HIBCH: variants seen among roughly 807,000 people sequenced by gnomAD.
HIBCH encodes the protein 3-hydroxyisobutyryl-CoA hydrolase, mitochondrial.
A neutral mutation model predicts 58.2 loss-of-function variants in HIBCH; 50 were observed. The observed-to-expected ratio is 0.86, with a 90% CI of 0.68 to 1.09. HIBCH has a LOEUF of 1.09. Among genes scored for constraint, HIBCH ranks in the 50% least tolerant of loss-of-function variants. The pLI is 0.00. For missense variants in HIBCH, 450 were observed against 449.7 expected, an observed-to-expected ratio of 1.00 and a Z score of -0.01; for synonymous variants, 151 against 146.9, an observed-to-expected ratio of 1.03 and a Z score of -0.20.
intron 11 of HIBCH, among the ~76,000 whole-genome samples, chr2:190,244,553 C>T (rs928208209): frequency 6.6e-6 from 1 of 152,284 alleles, no homozygotes; most frequent in East Asian, 1.9e-4. Flanking sequence ...TCCAGTGACC[C>T]AGCCCTTCTA....
chr2:190,307,913 A>G (rs2124853711), intron 2 of HIBCH, among the ~76,000 whole-genome samples: 1 of 152,274 alleles, frequency 6.6e-6, no homozygotes, highest in South Asian at 2.1e-4. Flanking sequence ...TGAATGTCAC[A>G]CTATAAACAC....
At chr2:190,225,967 T>C (rs547933518) in intron 11 of HIBCH, among the ~76,000 whole-genome samples, 53 of 152,280 alleles carry the variant, frequency 3.5e-4, no homozygotes, top group Non-Finnish European at 5.4e-4. Context: ...TGGTTCAACA[T>C]ACACAAATCA....
rs76390316 is a variant in HIBCH, at chr2:190,285,083, T to C, written c.438+2503A>G. ...GTTTCTCAAGTTTGTTCTCCACAGA[T>C]ACTTCACTATCTGTAATATTAAATT... is the stretch of plus-strand genomic sequence containing the variant. On this transcript the variant is annotated intron_variant, in intron 6 of 13. Transcript: ENST00000359678. Among the ~76,000 whole-genome samples the C allele has an allele frequency of 1.9e-4, 29 of 152,340 alleles. No homozygotes were observed. The East Asian group carries it at 5.2e-3, about 27-fold the overall frequency.
intron 1 of HIBCH, among the ~76,000 whole-genome samples, chr2:190,314,347 GTGTATATATACGTA>G (rs1553508478): frequency 1.0e-3 from 28 of 27,646 alleles, no homozygotes; most frequent in Admixed American, 1.6e-3. Flanking sequence ...ACATATATAT[GTGTATATATACGTA>G]TATATATACG....
intron 10 of HIBCH, among the ~76,000 whole-genome samples, chr2:190,245,704 A>C (rs1422519623): frequency 6.6e-6 from 1 of 152,196 alleles, no homozygotes; most frequent in African/African-American, 2.4e-5. Flanking sequence ...GTGAAAAAAA[A>C]ACCCTATGCT....
intron 9 of HIBCH, among the ~76,000 whole-genome samples, chr2:190,247,462 T>C (rs572325340): frequency 6.6e-6 from 1 of 152,224 alleles, no homozygotes; most frequent in Non-Finnish European, 1.5e-5. Context: ...CACCAAGTAC[T>C]TGGTGGCCCT....
intron 6 of HIBCH, among the ~76,000 whole-genome samples, chr2:190,277,313 G>A (rs1420964000): frequency 6.6e-6 from 1 of 152,080 alleles, no homozygotes; most frequent in Non-Finnish European, 1.5e-5. Context: ...TACTCTTCAT[G>A]GTGGGTAACA....
intron 2 of HIBCH, among the ~76,000 whole-genome samples, 188 bp from the exon 3 acceptor site, chr2:190,297,141 T>C (rs1688127283): frequency 6.6e-6 from 1 of 152,226 alleles, no homozygotes; most frequent in Non-Finnish European, 1.5e-5. Flanking sequence ...AAGCAAATCA[T>C]ACACACCTCC....
chr2:190,200,596 G>GTGAT (rs1406157165), downstream of HIBCH: 6 of 178,646 alleles, frequency 3.4e-5, no homozygotes, highest in South Asian at 1.6e-4. Context: ...TCAAATCATA[G>GTGAT]TGATTAACAG....
At chr2:190,193,661 T>C (rs1689823552) in intron 1 of HIBCH, among the ~76,000 whole-genome samples, 1 of 152,176 alleles carries the variant, frequency 6.6e-6, no homozygotes, top group African/African-American at 2.4e-5. Flanking sequence ...GTTTGCCTTT[T>C]AAACGTATAT....
At chr2:190,307,320 C>A (rs1688439245) in intron 2 of HIBCH, among the ~76,000 whole-genome samples, 1 of 152,184 alleles carries the variant, frequency 6.6e-6, no homozygotes, top group African/African-American at 2.4e-5. Context: ...TAGAAGTTTT[C>A]TCCATATCCA....
At chr2:190,244,215 A>G (rs1686540306) in intron 11 of HIBCH, among the ~76,000 whole-genome samples, 1 of 152,342 alleles carries the variant, frequency 6.6e-6, no homozygotes, top group Non-Finnish European at 1.5e-5. Flanking sequence ...CCTTTTAAGT[A>G]TAAGGAAACA....
chr2:190,255,507 AT>A (rs1343369225), intron 7 of HIBCH, among the ~76,000 whole-genome samples: 2 of 152,222 alleles, frequency 1.3e-5, no homozygotes, highest in Non-Finnish European at 2.9e-5. Context: ...AACCAGACTT[AT>A]CCCCCTACCT....
chr2:190,223,052 A>G lies in HIBCH; in HGVS notation c.892-9977T>C, dbSNP rs186144281. On this transcript the variant is annotated intron_variant, in intron 11 of 13. Transcript: ENST00000359678. ...AACCAAACACCACATGTTCTCACTCATAAGTGGGAGTTGAACAATAAGAAC... is the reference window on the plus strand; with the variant it reads ...AACCAAACACCACATGTTCTCACTCGTAAGTGGGAGTTGAACAATAAGAAC... Among the ~76,000 whole-genome samples the G allele has an allele frequency of 6.6e-3, 1,010 of 152,336 alleles. 10 individuals are homozygous for G. Among genetic ancestry groups the G allele is most frequent in the South Asian group, 9.7e-3 (47 of 4,822 alleles).
At chr2:190,274,126 T>C (rs530922218) in intron 6 of HIBCH, among the ~76,000 whole-genome samples, 1 of 152,300 alleles carries the variant, frequency 6.6e-6, no homozygotes, top group Admixed American at 6.5e-5. Context: ...CTAAGTAAAA[T>C]AAATGTTGTT....
Position 190,288,219 on chromosome 2 carries a change from T to C in HIBCH, c.386-581A>G, listed in dbSNP as rs377599720. Among the ~76,000 whole-genome samples the C allele has an allele frequency of 1.6e-3, 240 of 148,266 alleles. 1 individual carries two copies. The highest frequency in any genetic ancestry group is 2.6e-3 in the Non-Finnish European group (172 of 67,446). On this transcript the variant is annotated intron_variant, in intron 5 of 13. Transcript: ENST00000359678. Reference sequence around the variant, plus strand: ...TCACATTATGGTTGGGAACATTCAATATCAAAGATGTCAATTCCCTCCAAA... The same window carrying C: ...TCACATTATGGTTGGGAACATTCAACATCAAAGATGTCAATTCCCTCCAAA...
chr2:190,228,732 T>C (rs1686000130), intron 11 of HIBCH, among the ~76,000 whole-genome samples: 2 of 152,176 alleles, frequency 1.3e-5, no homozygotes, highest in Non-Finnish European at 2.9e-5. Context: ...TCTGACCCTT[T>C]AAAGATTTGT....
chr2:190,220,475 A>T (rs1685685810), intron 11 of HIBCH: 3 of 152,106 alleles, frequency 2.0e-5, no homozygotes, highest in Admixed American at 6.6e-5. Context: ...ACCTACAGTC[A>T]CGGTGCTGCT....
At chr2:190,300,488 T>A (rs1688232378) in intron 2 of HIBCH, among the ~76,000 whole-genome samples, 1 of 152,146 alleles carries the variant, frequency 6.6e-6, no homozygotes, top group Non-Finnish European at 1.5e-5. Flanking sequence ...TGTTTTTTCA[T>A]GTACTTTGCC....
Sources: allele counts gnomAD v4.1 joint callset (sites outside exome capture counted in the v4.1 genomes callset), GRCh38; gene constraint gnomAD v4.1.1; transcripts MANE v1.5; gene names NCBI Gene and HGNC (gene_info 2026-07-23, HGNC 2026-07-21).